SGCZ: variants seen among roughly 807,000 people sequenced by gnomAD.
SGCZ encodes the protein sarcoglycan zeta.
A neutral mutation model predicts 41.3 loss-of-function variants in SGCZ; 40 were observed. The observed-to-expected ratio is 0.97, with a 90% CI of 0.75 to 1.26. The LOEUF (loss-of-function observed/expected upper bound fraction) is 1.26. Ranked by LOEUF, SGCZ falls within the 50% of genes most tolerant of loss-of-function variation. The pLI is 0.00. For missense variants in SGCZ, 552 were observed against 369.8 expected (o/e 1.49, Z -4.04); for synonymous variants, 206 against 137.5 (o/e 1.50, Z -3.49).
Position 14,090,602 on chromosome 8 carries a change from A to C in SGCZ, c.780T>G (p.Asn260Lys). The change falls in exon 8 of 8, where the codon AAT becomes AAG. Residue 260 changes from asparagine to lysine, a missense_variant. Transcript: ENST00000382080. ...AAGATGAGAAGGAGCCAGTTGGTAG[A>C]TTTCCCAGCTTGATTGTCTCTGCAT... ...FLNAETIKLG[N>K]LPTGSFSSSS... 1 of 1,612,320 alleles carries C rather than the reference A, an allele frequency of 6.2e-7. No homozygotes were observed. Among genetic ancestry groups the C allele is most frequent in the African/African-American group, 1.3e-5 (1 of 74,902 alleles).
chr8:14,220,365 A>G (rs1245319315), intron 4 of SGCZ, among the ~76,000 whole-genome samples: 4 of 151,972 alleles, frequency 2.6e-5, no homozygotes, highest in Admixed American at 2.6e-4. Context: ...TCATATGTGA[A>G]TTTATTTATA....
chr8:14,398,359 T>A (rs1255413325), intron 2 of SGCZ, among the ~76,000 whole-genome samples: 2 of 152,158 alleles, frequency 1.3e-5, no homozygotes, highest in Non-Finnish European at 2.9e-5. Context: ...TTACTGATAG[T>A]TCTCACTGTT....
At chr8:14,855,261 G>T (rs1348675871) in intron 1 of SGCZ, among the ~76,000 whole-genome samples, 1 of 151,976 alleles carries the variant, frequency 6.6e-6, no homozygotes, top group African/African-American at 2.4e-5. Context: ...TGTTGGCCAG[G>T]CTGGTTTTGA....
chr8:14,471,530 G>T (rs963749247), intron 2 of SGCZ, among the ~76,000 whole-genome samples: 1 of 151,970 alleles, frequency 6.6e-6, no homozygotes, highest in African/African-American at 2.4e-5. Context: ...TTTCTCAGTG[G>T]AGACTGTGTT....
In SGCZ at chr8:14,885,971, T is replaced by C. The variant is rs921126152; in HGVS notation, c.40-331045A>G. 7.9e-5 allele frequency among the ~76,000 whole-genome samples: 10 copies of C among 126,364 alleles called. No individual in the cohort carries two copies. The East Asian group carries it at 2.0e-3, about 25-fold the overall frequency. 82.9% of individuals were successfully genotyped at this position (126,364 alleles called of 152,430 possible). A position where few individuals can be genotyped will look rare whatever the true frequency, so the allele number is the denominator to read the frequency against. ...CTGTACAGTCTGTCTTTTTTAATCA[T>C]AAAGGACTTTATGTTATATATATAT... On this transcript the variant is annotated intron_variant, in intron 1 of 7. Coordinates refer to ENST00000382080, the MANE Select transcript of SGCZ (RefSeq NM_139167.4).
At chr8:14,689,055 A>G (rs1808714759) in intron 1 of SGCZ, among the ~76,000 whole-genome samples, 3 of 152,156 alleles carry the variant, frequency 2.0e-5, no homozygotes, top group East Asian at 1.9e-4. Flanking sequence ...TCTTATTTCA[A>G]TTGTTAAAAT....
intron 1 of SGCZ, among the ~76,000 whole-genome samples, chr8:14,633,954 C>T (rs1341237151): frequency 6.6e-6 from 1 of 151,832 alleles, no homozygotes; most frequent in Non-Finnish European, 1.5e-5. Context: ...GAAATGAATA[C>T]TAACAGTCCT....
At chr8:14,458,828 A>ATTC (rs1800821580) in intron 2 of SGCZ, among the ~76,000 whole-genome samples, 1 of 152,184 alleles carries the variant, frequency 6.6e-6, no homozygotes, top group African/African-American at 2.4e-5. Flanking sequence ...TAAAAGTATC[A>ATTC]TTCTCCAACT....
chr8:14,822,445 T>C (rs560184855), intron 1 of SGCZ, among the ~76,000 whole-genome samples: 2 of 152,210 alleles, frequency 1.3e-5, no homozygotes, highest in South Asian at 4.1e-4. Context: ...GCAATGCCTA[T>C]CAAAATACAA....
chr8:14,882,185 T>C lies in SGCZ; in HGVS notation c.40-327259A>G, dbSNP rs74725458. ...TGAGGTCTTAGCAAAGTAGCTCCTA[T>C]ATCTGAGGCAATCCCTAATGGGACT... On this transcript the variant is annotated intron_variant, in intron 1 of 7. Transcript: ENST00000382080. Among the ~76,000 whole-genome samples the C allele has an allele frequency of 2.0e-3, 304 of 152,332 alleles. 3 individuals are homozygous for C. Among genetic ancestry groups the C allele is most frequent in the Admixed American group, 0.013 (205 of 15,296 alleles).
chr8:14,240,545 C>G (rs1798844583), intron 3 of SGCZ, among the ~76,000 whole-genome samples: 1 of 151,976 alleles, frequency 6.6e-6, no homozygotes, highest in Non-Finnish European at 1.5e-5. Flanking sequence ...TGTGATAGCA[C>G]CAATAATCTT....
At chr8:14,456,270 T>C (rs910599148) in intron 2 of SGCZ, among the ~76,000 whole-genome samples, 1 of 152,020 alleles carries the variant, frequency 6.6e-6, no homozygotes, top group African/African-American at 2.4e-5. Context: ...TAGCCGGGTG[T>C]GGTGGTGCAC....
chr8:14,371,888 T>C (rs534044770), intron 2 of SGCZ, among the ~76,000 whole-genome samples: 22 of 152,176 alleles, frequency 1.4e-4, no homozygotes, highest in African/African-American at 5.1e-4. Flanking sequence ...TTATATGCCT[T>C]GAGGGTTAAA....
At chr8:14,720,594 T>C (rs1161634234) in intron 1 of SGCZ, among the ~76,000 whole-genome samples, 1 of 151,938 alleles carries the variant, frequency 6.6e-6, no homozygotes, top group Non-Finnish European at 1.5e-5. Flanking sequence ...GAAGGCAAAC[T>C]CTGGCTCACA....
intron 1 of SGCZ, among the ~76,000 whole-genome samples, chr8:15,211,482 C>A (rs1386045630): frequency 6.6e-6 from 1 of 152,260 alleles, no homozygotes; most frequent in East Asian, 1.9e-4. Flanking sequence ...AACCAACCAT[C>A]CCTTCATTCT....
At chr8:14,539,224 C>A (rs1299864517) in intron 2 of SGCZ, among the ~76,000 whole-genome samples, 2 of 152,072 alleles carry the variant, frequency 1.3e-5, no homozygotes. Context: ...AATGGCCTAA[C>A]CTGAAGATTT....
intron 1 of SGCZ, among the ~76,000 whole-genome samples, chr8:14,877,308 C>A (rs1804401975): frequency 6.6e-6 from 1 of 152,052 alleles, no homozygotes; most frequent in Admixed American, 6.6e-5. Flanking sequence ...TTTGTTTAGG[C>A]TAAAGTCTTG....
At chr8:15,015,093 A>C (rs1372279866) in intron 1 of SGCZ, among the ~76,000 whole-genome samples, 1 of 152,056 alleles carries the variant, frequency 6.6e-6, no homozygotes, top group Non-Finnish European at 1.5e-5. Context: ...AAATGCAAAA[A>C]TTACCTGGGC....
At chr8:15,189,668 C>T (rs773540976) in intron 1 of SGCZ, among the ~76,000 whole-genome samples, 57 of 152,106 alleles carry the variant, frequency 3.7e-4, no homozygotes, top group Admixed American at 9.2e-4. Flanking sequence ...CCTACCTGAG[C>T]CTCCCAAGTA....
Sources: allele counts gnomAD v4.1 joint callset (sites outside exome capture counted in the v4.1 genomes callset), GRCh38; gene constraint gnomAD v4.1.1; transcripts MANE v1.5; gene names NCBI Gene and HGNC (gene_info 2026-07-23, HGNC 2026-07-21).